The following OGDH variants were observed in gnomAD, a reference collection of about 807,000 sequenced individuals.
The protein encoded by OGDH is 2-oxoglutarate dehydrogenase complex component E1.
In OGDH, 38 loss-of-function variants were observed where a neutral mutation model predicts 116.6. That is an observed-to-expected ratio of 0.33 (90% CI 0.25 to 0.43). The LOEUF is 0.43. Ranked by LOEUF, OGDH falls within the 20% of genes least tolerant of loss-of-function variation. OGDH has a pLI of 1.00. For synonymous variants in OGDH, 488 were observed against 533.3 expected (o/e 0.92, Z 1.17); for missense variants, 825 against 1,357.2 (o/e 0.61, Z 6.16).
intron 4 of OGDH, among the ~76,000 whole-genome samples, chr7:44,665,820 C>T (rs952023396): frequency 6.6e-6 from 1 of 152,100 alleles, no homozygotes; most frequent in African/African-American, 2.4e-5. Flanking sequence ...GGAGAGATGC[C>T]AAACTGGATA....
chr7:44,684,208 C>T (rs572187632), intron 10 of OGDH, among the ~76,000 whole-genome samples: 1 of 152,138 alleles, frequency 6.6e-6, no homozygotes, highest in Admixed American at 6.5e-5. Context: ...CATCAGCCAG[C>T]GCCTGAGGAA....
intron 9 of OGDH, among the ~76,000 whole-genome samples, chr7:44,679,339 C>T (rs1787830847): frequency 6.6e-6 from 1 of 152,222 alleles, no homozygotes; most frequent in African/African-American, 2.4e-5. Flanking sequence ...CGTAGCAAAG[C>T]TGCACACCTC....
At chr7:44,669,624 G>A (rs939857295) in intron 5 of OGDH, among the ~76,000 whole-genome samples, 1 of 152,076 alleles carries the variant, frequency 6.6e-6, no homozygotes, top group East Asian at 1.9e-4. Context: ...TGAATCCCAG[G>A]TAATTTCGAT....
chr7:44,682,801 C>T (rs1446778988), intron 10 of OGDH, among the ~76,000 whole-genome samples: 3 of 151,720 alleles, frequency 2.0e-5, no homozygotes, highest in African/African-American at 7.3e-5. Context: ...TGCAGTGAGC[C>T]ATGATTATGC....
chr7:44,690,932 AT>A (rs906107918), intron 10 of OGDH, among the ~76,000 whole-genome samples: 65 of 147,986 alleles, frequency 4.4e-4, no homozygotes, highest in East Asian at 6.0e-4. Context: ...CTGATACACC[AT>A]TTTTTTTTTA....
At chr7:44,625,041 T>G (rs1384440659) in intron 2 of OGDH, among the ~76,000 whole-genome samples, 1 of 152,230 alleles carries the variant, frequency 6.6e-6, no homozygotes. Flanking sequence ...TTCTCTGTAT[T>G]ACATATAAGG....
intron 4 of OGDH, among the ~76,000 whole-genome samples, chr7:44,654,577 G>A (rs1168694234): frequency 1.3e-5 from 2 of 152,198 alleles, no homozygotes; most frequent in Non-Finnish European, 2.9e-5. Flanking sequence ...TATGTGCAGC[G>A]TGCTGTGTGC....
chr7:44,656,126 T>C (rs2268314), intron 4 of OGDH, among the ~76,000 whole-genome samples: 34,995 of 152,008 alleles, frequency 0.23, 7,264 homozygotes, highest in African/African-American at 0.54. Context: ...CCATGTTTAA[T>C]AAAATTGACC....
chr7:44,696,823 A>G, intron 14 of OGDH, 91 bp from the exon 15 acceptor site: 1 of 1,437,206 alleles, frequency 7.0e-7, no homozygotes, highest in Admixed American at 2.6e-5. Flanking sequence ...CGAGTAAAGA[A>G]GGCTCCGCTC....
intron 2 of OGDH, among the ~76,000 whole-genome samples, chr7:44,639,121 A>G (rs1423914708): frequency 1.3e-5 from 2 of 152,202 alleles, no homozygotes; most frequent in African/African-American, 4.8e-5. Flanking sequence ...CATGGGAGCA[A>G]GTGGACAGGG....
intron 10 of OGDH, among the ~76,000 whole-genome samples, chr7:44,690,607 G>A (rs183405452): frequency 7.2e-5 from 11 of 152,322 alleles, no homozygotes; most frequent in Admixed American, 7.2e-4. Flanking sequence ...TGCCGGTAGA[G>A]TGCATCTCCA....
chr7:44,616,949 C>T (rs1374365013), intron 1 of OGDH, among the ~76,000 whole-genome samples: 2 of 126,488 alleles, frequency 1.6e-5, no homozygotes, highest in African/African-American at 3.1e-5. Flanking sequence ...AGACTCCTTT[C>T]GGAGCTCTGG....
At chr7:44,639,295 ACAGG>A (rs755308621) in intron 2 of OGDH, among the ~76,000 whole-genome samples, 58 of 152,224 alleles carry the variant, frequency 3.8e-4, no homozygotes, top group Middle Eastern at 6.8e-3. Context: ...TTGCAGGACA[ACAGG>A]GAGGTGGAAA....
chr7:44,692,184 G>A (rs1353902662), intron 10 of OGDH, among the ~76,000 whole-genome samples: 3 of 152,004 alleles, frequency 2.0e-5, no homozygotes, highest in Non-Finnish European at 2.9e-5. Flanking sequence ...AAAACTCAGC[G>A]TTTGAGGGAG....
Position 44,631,079 on chromosome 7 carries a change from C to T in OGDH, c.222+6514C>T, listed in dbSNP as rs186348870. 9.1e-4 allele frequency among the ~76,000 whole-genome samples: 139 copies of T among 152,160 alleles called. 1 individual carries two copies. Among genetic ancestry groups the T allele is most frequent in the African/African-American group, 3.1e-3 (130 of 41,514 alleles). On this transcript the variant is annotated intron_variant, in intron 2 of 22. Transcript: ENST00000222673. Reference sequence around the variant, plus strand: ...CACTGACCAGTACTGGTCTGTGGCCCGGGGGTTGGGGATCCCTGGTTTAGA... The same window carrying T: ...CACTGACCAGTACTGGTCTGTGGCCTGGGGGTTGGGGATCCCTGGTTTAGA...
In OGDH at chr7:44,659,713, A is replaced by T. The variant is rs116365040; in HGVS notation, c.518-7023A>T. 9.3e-3 allele frequency among the ~76,000 whole-genome samples: 1,418 copies of T among 152,228 alleles called. 21 individuals carry two copies. The highest frequency in any genetic ancestry group is 0.032 in the African/African-American group (1,323 of 41,532). On this transcript the variant is annotated intron_variant, in intron 4 of 22. Coordinates refer to ENST00000222673, the MANE Select transcript of OGDH (RefSeq NM_002541.4). ...CCCTTATTTTTGATAGTCATTTTTT[A>T]AATTTCTTTTTCAACTTCAAGAAAA...
At chr7:44,625,213 C>A (rs1438308937) in intron 2 of OGDH, among the ~76,000 whole-genome samples, 1 of 152,164 alleles carries the variant, frequency 6.6e-6, no homozygotes, top group Non-Finnish European at 1.5e-5. Context: ...CAACCTCCGA[C>A]TCCTGGGTTC....
intron 20 of OGDH, among the ~76,000 whole-genome samples, chr7:44,705,663 A>C (rs995048921): frequency 6.6e-6 from 1 of 152,154 alleles, no homozygotes; most frequent in African/African-American, 2.4e-5. Flanking sequence ...TTGGCCTCCC[A>C]GAGTACTGGG....
chr7:44,637,197 C>T (rs576529714), intron 2 of OGDH, among the ~76,000 whole-genome samples: 1 of 152,306 alleles, frequency 6.6e-6, no homozygotes, highest in Admixed American at 6.5e-5. Flanking sequence ...GCCAGGTGCT[C>T]CTGTTGTCTA....
Sources: gnomAD v4.1 joint callset for allele counts (sites outside exome capture counted in the v4.1 genomes callset) on GRCh38, gnomAD v4.1.1 for gene constraint, MANE v1.5 for transcripts, NCBI Gene and HGNC (gene_info 2026-07-23, HGNC 2026-07-21) for gene names.